Variants in ZSWIM6 observed in about 807,000 individuals in gnomAD.
The protein encoded by ZSWIM6 is zinc finger SWIM-type containing 6, also known as zinc finger SWIM domain-containing protein 6.
In ZSWIM6, 9 loss-of-function variants were observed where a neutral mutation model predicts 113.2. The observed-to-expected ratio is 0.08, with a 90% CI of 0.05 to 0.14. The LOEUF (loss-of-function observed/expected upper bound fraction) is 0.14. Among genes scored for constraint, ZSWIM6 ranks in the 10% least tolerant of loss-of-function variants. ZSWIM6 has a pLI of 1.00. For synonymous variants in ZSWIM6, 611 were observed against 606.5 expected (o/e 1.01, Z -0.11); for missense variants, 1,162 against 1,552.2 (o/e 0.75, Z 4.22).
intron 5 of ZSWIM6, among the ~76,000 whole-genome samples, chr5:61,522,729 T>C (rs1749165135): frequency 6.6e-6 from 1 of 152,236 alleles, no homozygotes; most frequent in Non-Finnish European, 1.5e-5. Context: ...CCAGTTTTTT[T>C]CCAGGTGCTC....
At chr5:61,391,411 T>C in intron 1 of ZSWIM6, 1 of 963,944 alleles carries the variant, frequency 1.0e-6, no homozygotes, top group South Asian at 1.3e-5. Flanking sequence ...GCGGTACTTC[T>C]TCATGCTGCT....
At chr5:61,456,337 C>G (rs1747204709) in intron 1 of ZSWIM6, among the ~76,000 whole-genome samples, 1 of 152,126 alleles carries the variant, frequency 6.6e-6, no homozygotes, top group Admixed American at 6.5e-5. Context: ...TAATACTTCT[C>G]AAATCTGGCT....
At chr5:61,510,361 G>T (rs1013761590) in intron 4 of ZSWIM6, among the ~76,000 whole-genome samples, 1 of 151,972 alleles carries the variant, frequency 6.6e-6, no homozygotes, top group Non-Finnish European at 1.5e-5. Context: ...GGATGCAGAA[G>T]TAACCAAATG....
At chr5:61,462,488 A>G (rs532915812) in intron 1 of ZSWIM6, among the ~76,000 whole-genome samples, 2 of 152,370 alleles carry the variant, frequency 1.3e-5, no homozygotes, top group African/African-American at 4.8e-5. Context: ...CAACAGAAAA[A>G]AATGACGGCA....
In ZSWIM6 at chr5:61,531,735, TA is replaced by T. The variant is rs1312578072; in HGVS notation, c.2245+11del. 3.9e-6 allele frequency: 6 copies of T among 1,550,062 alleles called. No individual in the cohort carries two copies. The African/African-American group carries it at 6.9e-5, about 18-fold the overall frequency. On this transcript the variant is annotated intron_variant, in intron 9 of 13. Transcript: ENST00000252744. ...GTCTTCCTATTAGAAGGTAGCCTGA[TA>T]CAGAAGTTTTCCACTTATTTAGCCA...
chr5:61,492,290 G>C (rs1166566569), intron 3 of ZSWIM6, among the ~76,000 whole-genome samples: 2 of 152,056 alleles, frequency 1.3e-5, no homozygotes, highest in Non-Finnish European at 2.9e-5. Context: ...TCTTATGTTA[G>C]AAACAGTTCA....
At chr5:61,353,326 A>ACCT (rs1744829737) in intron 1 of ZSWIM6, among the ~76,000 whole-genome samples, 1 of 152,208 alleles carries the variant, frequency 6.6e-6, no homozygotes, top group African/African-American at 2.4e-5. Flanking sequence ...TCTAGCTCTC[A>ACCT]TAACAACTTT....
chr5:61,488,256 G>C (rs939452072), intron 2 of ZSWIM6, among the ~76,000 whole-genome samples: 6 of 151,914 alleles, frequency 3.9e-5, no homozygotes, highest in Non-Finnish European at 5.9e-5. Flanking sequence ...GTTGGATTGG[G>C]TTTGCTAGTA....
At chr5:61,432,261 C>A (rs1056026599) in intron 1 of ZSWIM6, among the ~76,000 whole-genome samples, 1 of 152,176 alleles carries the variant, frequency 6.6e-6, no homozygotes, top group African/African-American at 2.4e-5. Flanking sequence ...TGTGTATACA[C>A]AACCGTTAAA....
Position 61,396,809 on chromosome 5 carries a change from AAC to A in ZSWIM6, c.676+63865_676+63866del, listed in dbSNP as rs537721560. Among the ~76,000 whole-genome samples, 168 of 152,326 alleles carry A rather than the reference AAC, an allele frequency of 1.1e-3. 1 individual carries two copies. The highest frequency in any genetic ancestry group is 3.8e-3 in the African/African-American group (158 of 41,566). The stretch of plus-strand genomic sequence containing the variant: ...GTTGCTAAATAAAAAATATACAGAA[AAC>A]ACAGATTTTTTTGGGAGAAAGGGGA... On this transcript the variant is annotated intron_variant, in intron 1 of 13. Coordinates refer to ENST00000252744, the MANE Select transcript of ZSWIM6 (RefSeq NM_020928.2).
intron 1 of ZSWIM6, among the ~76,000 whole-genome samples, chr5:61,415,592 CA>C (rs34647896): frequency 1.3e-3 from 122 of 92,274 alleles, no homozygotes; most frequent in Admixed American, 2.1e-3. Flanking sequence ...ACTCTGTCTC[CA>C]AAAAAAAAAA....
chr5:61,456,909 T>TA (rs1747216576), intron 1 of ZSWIM6, among the ~76,000 whole-genome samples: 1 of 151,778 alleles, frequency 6.6e-6, no homozygotes, highest in South Asian at 2.1e-4. Flanking sequence ...TTTTCTTTTT[T>TA]TTATTATTAT....
chr5:61,358,311 A>C (rs927133041), intron 1 of ZSWIM6, among the ~76,000 whole-genome samples: 10 of 152,354 alleles, frequency 6.6e-5, no homozygotes, highest in African/African-American at 2.4e-4. Flanking sequence ...ATCTGCAAAA[A>C]ATCATGTATT....
chr5:61,346,921 T>C (rs929177935), intron 1 of ZSWIM6, among the ~76,000 whole-genome samples: 17 of 152,254 alleles, frequency 1.1e-4, no homozygotes, highest in Admixed American at 9.2e-4. Flanking sequence ...AGCAAAGTAC[T>C]TTTATTTTAA....
chr5:61,438,358 A>G (rs1746756701), intron 1 of ZSWIM6, among the ~76,000 whole-genome samples: 1 of 152,196 alleles, frequency 6.6e-6, no homozygotes, highest in Non-Finnish European at 1.5e-5. Flanking sequence ...CCACCTCATG[A>G]CAACCTAATG....
chr5:61,405,710 G>C (rs191128545), intron 1 of ZSWIM6, among the ~76,000 whole-genome samples: 16 of 152,338 alleles, frequency 1.1e-4, no homozygotes, highest in Middle Eastern at 3.4e-3. Flanking sequence ...TAGAAGAGTA[G>C]ATTAGAGACA....
At chr5:61,539,053 C>T (rs1444064850) in intron 11 of ZSWIM6, 82 bp downstream of exon 11, 4 of 1,398,092 alleles carry the variant, frequency 2.9e-6, no homozygotes, top group South Asian at 1.7e-5. Flanking sequence ...CTATCAAATT[C>T]TCAGCAGTGG....
At chr5:61,489,768 A>G (rs1466034376) in intron 2 of ZSWIM6, among the ~76,000 whole-genome samples, 1 of 152,052 alleles carries the variant, frequency 6.6e-6, no homozygotes, top group African/African-American at 2.4e-5. Context: ...CACTCAGTAA[A>G]TATGCTGACT....
chr5:61,525,963 G>C lies in ZSWIM6; in HGVS notation c.1677G>C (p.Trp559Cys). The C allele has an allele frequency of 6.4e-7, 1 of 1,552,036 alleles. No homozygotes were observed. Among genetic ancestry groups the C allele is most frequent in the Non-Finnish European group, 8.7e-7 (1 of 1,147,036 alleles). Residue 559 changes from tryptophan (W) to cysteine (C), a missense_variant, in exon 6 of 14, where the codon TGG becomes TGC. By Grantham distance (215) the Trp-to-Cys change is radical. Transcript: ENST00000252744. The stretch of plus-strand genomic sequence containing the variant: ...ACTCCCTCTTCGACTCCCGCGGGTG[G>C]CCCCTCTGGCATGGTAAGTGACCAA... ...TENSLFDSRG[W>C]PLWHEHVPTA... is the part of the protein sequence containing the mutation.
Sources: gnomAD v4.1 joint callset for allele counts (sites outside exome capture counted in the v4.1 genomes callset) on GRCh38, gnomAD v4.1.1 for gene constraint, MANE v1.5 for transcripts, NCBI Gene and HGNC (gene_info 2026-07-23, HGNC 2026-07-21) for gene names.